OR2L13: variants seen among roughly 807,000 people sequenced by gnomAD.
The protein encoded by OR2L13 is olfactory receptor family 2 subfamily L member 13.
A neutral mutation model predicts 15.3 loss-of-function variants in OR2L13; 14 were observed. The ratio of observed to expected loss-of-function variants is 0.91; its 90% CI spans 0.60 to 1.43. The LOEUF (loss-of-function observed/expected upper bound fraction) is 1.43, where lower values mean the gene tolerates loss of function less well. Ranked by LOEUF, OR2L13 falls within the 40% of genes most tolerant of loss-of-function variation. The probability of loss-of-function intolerance (pLI) is 0.00; values close to 1 mark genes in which losing one functional copy is unlikely to be tolerated. For synonymous variants in OR2L13, 152 were observed against 142.9 expected, an observed-to-expected ratio of 1.06 and a Z score of -0.45; for missense variants, 367 against 387.9, an observed-to-expected ratio of 0.95 and a Z score of 0.45.
the OR2L13 span, among the ~76,000 whole-genome samples, chr1:247,950,299 T>C: frequency 1.3e-5 from 2 of 152,202 alleles, no homozygotes; most frequent in Non-Finnish European, 2.9e-5. Flanking sequence ...TTACTGAGAT[T>C]TAGCAGAAGG....
At chr1:247,980,599 A>G in the OR2L13 span, among the ~76,000 whole-genome samples, 6 of 152,234 alleles carry the variant, frequency 3.9e-5, no homozygotes, top group African/African-American at 7.2e-5. Context: ...TAAATACATT[A>G]TCATAACTCA....
At chr1:247,940,497 T>G in the OR2L13 span, among the ~76,000 whole-genome samples, 1 of 152,172 alleles carries the variant, frequency 6.6e-6, no homozygotes, top group South Asian at 2.1e-4. Context: ...CTTTAATGGG[T>G]GAAAGTGTTA....
the OR2L13 span, chr1:248,061,248 G>T: frequency 1.2e-6 from 2 of 1,610,610 alleles, no homozygotes; most frequent in Non-Finnish European, 1.7e-6. Flanking sequence ...TGGCCTGCAT[G>T]GACACCTGGG....
At chr1:247,949,013 C>A in the OR2L13 span, 6 of 1,613,814 alleles carry the variant, frequency 3.7e-6, no homozygotes, top group African/African-American at 8.0e-5. Context: ...TCTTGGACAC[C>A]CATCTCCACA....
the OR2L13 span, among the ~76,000 whole-genome samples, chr1:248,026,518 G>T: frequency 3.9e-5 from 6 of 152,140 alleles, no homozygotes; most frequent in Non-Finnish European, 1.5e-5. Flanking sequence ...ATTTCTTTCT[G>T]TCCTTCAATC....
chr1:248,083,080 A>T, the OR2L13 span, among the ~76,000 whole-genome samples: 1 of 152,198 alleles, frequency 6.6e-6, no homozygotes, highest in Non-Finnish European at 1.5e-5. Context: ...ATACAAAAGA[A>T]ATGTGACAAT....
the OR2L13 span, among the ~76,000 whole-genome samples, chr1:248,054,844 GAGTC>G: frequency 6.6e-6 from 1 of 152,192 alleles, no homozygotes; most frequent in Admixed American, 6.5e-5. Context: ...CCTTTGGGCT[GAGTC>G]AGTCTGGTTT....
chr1:247,980,488 A>G, the OR2L13 span, among the ~76,000 whole-genome samples: 12 of 152,332 alleles, frequency 7.9e-5, no homozygotes, highest in African/African-American at 2.6e-4. Context: ...AAAATGTAGG[A>G]TTTCATAAAC....
the OR2L13 span, among the ~76,000 whole-genome samples, chr1:248,011,082 G>A: frequency 6.6e-6 from 1 of 152,014 alleles, no homozygotes; most frequent in Non-Finnish European, 1.5e-5. Flanking sequence ...TTTTGCAGTG[G>A]CTGGTACCCG....
the OR2L13 span, among the ~76,000 whole-genome samples, chr1:247,972,268 T>C: frequency 6.6e-6 from 1 of 151,904 alleles, no homozygotes; most frequent in African/African-American, 2.4e-5. Context: ...ATAACCAAGA[T>C]CAGAGTTTAA....
At chr1:248,048,342 T>G in the OR2L13 span, among the ~76,000 whole-genome samples, 6 of 152,226 alleles carry the variant, frequency 3.9e-5, no homozygotes, top group African/African-American at 1.4e-4. Flanking sequence ...GTGTAAATAT[T>G]AAATAAGATC....
At chr1:248,085,434 A>T in the OR2L13 span, among the ~76,000 whole-genome samples, 1,909 of 6,246 alleles carry the variant, frequency 0.31, 220 homozygotes, top group Middle Eastern at 0.5. Context: ...AATAAAATAA[A>T]ATAATAAAAT....
At chr1:248,071,314 G>C in the OR2L13 span, among the ~76,000 whole-genome samples, 1 of 152,082 alleles carries the variant, frequency 6.6e-6, no homozygotes, top group South Asian at 2.1e-4. Context: ...ATGCAAGGCT[G>C]CTTCAATATA....
the OR2L13 span, among the ~76,000 whole-genome samples, chr1:247,938,502 A>G: frequency 6.6e-6 from 1 of 152,242 alleles, no homozygotes; most frequent in Non-Finnish European, 1.5e-5. Flanking sequence ...TAGAAGTCAG[A>G]ATTCATAGAT....
At chr1:247,999,203 G>T in the OR2L13 span, among the ~76,000 whole-genome samples, 2 of 152,240 alleles carry the variant, frequency 1.3e-5, no homozygotes, top group Admixed American at 1.3e-4. Context: ...GTAAGAGATA[G>T]AATTTGATTT....
At chr1:247,944,064 A>G in the OR2L13 span, among the ~76,000 whole-genome samples, 1 of 152,090 alleles carries the variant, frequency 6.6e-6, no homozygotes, top group Admixed American at 6.6e-5. Flanking sequence ...CCAGTGCCAC[A>G]TTGTTTTGAT....
the OR2L13 span, among the ~76,000 whole-genome samples, chr1:247,994,801 G>T: frequency 2.0e-5 from 3 of 152,030 alleles, no homozygotes; most frequent in Non-Finnish European, 2.9e-5. Flanking sequence ...AGTTGAGTGT[G>T]GTAATCATTT....
the OR2L13 span, among the ~76,000 whole-genome samples, chr1:248,049,296 C>G: frequency 6.6e-6 from 1 of 152,180 alleles, no homozygotes; most frequent in Admixed American, 6.5e-5. Context: ...TCACTTTCAA[C>G]TCTAAATTGA....
chr1:247,938,483 ATAGAAGTT>A, the OR2L13 span, among the ~76,000 whole-genome samples: 2 of 152,230 alleles, frequency 1.3e-5, no homozygotes, highest in Non-Finnish European at 2.9e-5. Context: ...TGAGGATGAT[ATAGAAGTT>A]TAGAAGTCAG....
Sources: allele counts gnomAD v4.1 joint callset (sites outside exome capture counted in the v4.1 genomes callset), GRCh38; gene constraint gnomAD v4.1.1; transcripts MANE v1.5; gene names NCBI Gene and HGNC (gene_info 2026-07-23, HGNC 2026-07-21).